The following ZNF420 variants were observed in gnomAD, a reference collection of about 807,000 sequenced individuals.
The protein encoded by ZNF420 is zinc finger protein 420.
ZNF420 carries 31 observed loss-of-function variants against 44.7 expected under a neutral mutation model. That is an observed-to-expected ratio of 0.69 (90% CI 0.52 to 0.94). ZNF420 has a LOEUF of 0.94. ZNF420 is among the 40% of genes least tolerant of loss of function. The pLI, the probability that ZNF420 is intolerant of heterozygous loss-of-function variation, is 0.00. For missense variants in ZNF420, 681 were observed against 827.9 expected (o/e 0.82, Z 2.18); for synonymous variants, 245 against 267.4 (o/e 0.92, Z 0.82).
rs1417955992 is a variant in ZNF420, at chr19:37,130,076, T to A, written c.*1018T>A. ...CAACAAGATAGAAGTGATATTTATA[T>A]GAGTAGGAGATTTACGAAATCCATT... On this transcript the variant is annotated 3_prime_UTR_variant, in exon 5 of 5. Coordinates refer to ENST00000337995, the MANE Select transcript of ZNF420 (RefSeq NM_144689.5). The A allele has an allele frequency of 6.5e-7, 1 of 1,550,072 alleles. No individual in the cohort carries two copies. Among genetic ancestry groups the A allele is most frequent in the East Asian group, 2.4e-5 (1 of 40,886 alleles).
chr19:37,012,155 C>T (rs1452113810), intron 1 of ZNF420, among the ~76,000 whole-genome samples: 1 of 152,138 alleles, frequency 6.6e-6, no homozygotes, highest in Non-Finnish European at 1.5e-5. Context: ...ACAAGGAGGT[C>T]TTGAGGACAG....
At chr19:37,051,230 C>T (rs1019469275) in intron 1 of ZNF420, among the ~76,000 whole-genome samples, 98 of 152,280 alleles carry the variant, frequency 6.4e-4, no homozygotes, top group African/African-American at 2.3e-3. Context: ...TGATGCTGGC[C>T]TCATAAAATG....
chr19:37,040,388 GTGGTTGACT>G (rs1967432720), intron 1 of ZNF420, among the ~76,000 whole-genome samples: 1 of 152,170 alleles, frequency 6.6e-6, no homozygotes, highest in African/African-American at 2.4e-5. Context: ...AGGGAATGTC[GTGGTTGACT>G]TGGTCTTCTA....
chr19:37,011,888 G>A (rs1248005512), intron 1 of ZNF420, among the ~76,000 whole-genome samples: 3 of 152,152 alleles, frequency 2.0e-5, no homozygotes, highest in Non-Finnish European at 4.4e-5. Context: ...TCTTGCAGGA[G>A]CCCCAGGGCT....
intron 1 of ZNF420, among the ~76,000 whole-genome samples, chr19:37,059,133 C>G (rs1174600543): frequency 6.6e-6 from 1 of 152,222 alleles, no homozygotes; most frequent in African/African-American, 2.4e-5. Flanking sequence ...CCCTGAAGCT[C>G]CCCCTCCACC....
chr19:37,087,669 A>G (rs2891754), intron 2 of ZNF420, among the ~76,000 whole-genome samples: 85,333 of 152,000 alleles, frequency 0.56, 25,498 homozygotes, highest in African/African-American at 0.76. Flanking sequence ...TGTTTGAGAC[A>G]GAGTCTCACT....
chr19:37,102,123 G>T (rs1237799379), intron 4 of ZNF420, among the ~76,000 whole-genome samples: 2 of 152,022 alleles, frequency 1.3e-5, no homozygotes, highest in African/African-American at 2.4e-5. Flanking sequence ...ACCCCCTGAG[G>T]ATGTGCTATG....
intron 4 of ZNF420, among the ~76,000 whole-genome samples, chr19:37,122,886 A>C (rs914897088): frequency 6.6e-6 from 1 of 152,108 alleles, no homozygotes; most frequent in Non-Finnish European, 1.5e-5. Flanking sequence ...TAATCCAGAT[A>C]CCTCCCCAGA....
At chr19:37,058,336 G>A (rs1184728884) in intron 1 of ZNF420, among the ~76,000 whole-genome samples, 1 of 152,112 alleles carries the variant, frequency 6.6e-6, no homozygotes, top group Non-Finnish European at 1.5e-5. Flanking sequence ...AGCGGTAGGC[G>A]ATCATGGCTG....
chr19:37,095,349 T>C (rs1031140623), intron 4 of ZNF420, among the ~76,000 whole-genome samples: 2 of 152,196 alleles, frequency 1.3e-5, no homozygotes, highest in Non-Finnish European at 2.9e-5. Context: ...TTAAAGGATA[T>C]TGAAATGCTT....
At chr19:37,108,200 T>C (rs2146645258) in intron 4 of ZNF420, 1 of 152,336 alleles carries the variant, frequency 6.6e-6, no homozygotes, top group South Asian at 2.1e-4. Flanking sequence ...CCACAGCGGC[T>C]GTAGTTGTGA....
At chr19:37,064,163 T>C (rs1028985539) in intron 1 of ZNF420, among the ~76,000 whole-genome samples, 6 of 152,222 alleles carry the variant, frequency 3.9e-5, no homozygotes, top group African/African-American at 1.2e-4. Flanking sequence ...TACATCTTAA[T>C]CACTAAGATA....
At chr19:37,009,852 C>A (rs1234574736) in intron 1 of ZNF420, among the ~76,000 whole-genome samples, 5 of 152,286 alleles carry the variant, frequency 3.3e-5, no homozygotes, top group African/African-American at 1.2e-4. Flanking sequence ...TGAACCTCCT[C>A]TTCCACTGGT....
chr19:37,070,564 TAAA>T (rs1179061876), intron 1 of ZNF420, among the ~76,000 whole-genome samples: 1 of 152,078 alleles, frequency 6.6e-6, no homozygotes, highest in Non-Finnish European at 1.5e-5. Flanking sequence ...CCTATAATAA[TAAA>T]AAGACAACCC....
At chr19:37,043,856 G>A (rs1403543014) in intron 1 of ZNF420, among the ~76,000 whole-genome samples, 2 of 152,118 alleles carry the variant, frequency 1.3e-5, no homozygotes, top group African/African-American at 4.8e-5. Flanking sequence ...GAGGGATGGA[G>A]GAAGCTACTT....
intron 1 of ZNF420, among the ~76,000 whole-genome samples, chr19:37,047,400 A>G (rs771629577): frequency 3.0e-4 from 46 of 152,176 alleles, no homozygotes; most frequent in Non-Finnish European, 6.0e-4. Context: ...CACAGTGCAC[A>G]AGGCATTATC....
chr19:37,130,192 T>C lies in ZNF420; in HGVS notation c.*1134T>C. 1.3e-6 allele frequency: 2 copies of C among 1,550,054 alleles called. No individual in the cohort carries two copies. The highest frequency in any genetic ancestry group is 1.7e-6 in the Non-Finnish European group (2 of 1,146,780). On this transcript the variant is annotated 3_prime_UTR_variant, in exon 5 of 5. Coordinates refer to ENST00000337995, the MANE Select transcript of ZNF420 (RefSeq NM_144689.5). The stretch of plus-strand genomic sequence containing the variant: ...GGACTTTGAGAATGGTATCTGGGTG[T>C]TATGGATCATGGAGCAGAAATACAG...
chr19:37,013,043 C>T (rs1436662957), intron 1 of ZNF420, among the ~76,000 whole-genome samples: 2 of 152,018 alleles, frequency 1.3e-5, no homozygotes, highest in Non-Finnish European at 2.9e-5. Context: ...GTGAAAGCCT[C>T]GGCAACATGG....
At chr19:37,099,398 T>C (rs10418314) in intron 4 of ZNF420, among the ~76,000 whole-genome samples, 23,388 of 152,166 alleles carry the variant, frequency 0.15, 1,859 homozygotes, top group Middle Eastern at 0.22. Flanking sequence ...TGATATCTGA[T>C]TGTAGCTTCG....
Sources: allele counts gnomAD v4.1 joint callset (sites outside exome capture counted in the v4.1 genomes callset), GRCh38; gene constraint gnomAD v4.1.1; transcripts MANE v1.5; gene names NCBI Gene and HGNC (gene_info 2026-07-23, HGNC 2026-07-21).